The following FAM234B variants were observed in gnomAD, a reference collection of about 807,000 sequenced individuals.
FAM234B encodes protein FAM234B.
In FAM234B, 33 loss-of-function variants were observed where a neutral mutation model predicts 69.3. That is an observed-to-expected ratio of 0.48 (90% confidence interval 0.36 to 0.64). The LOEUF is 0.64. Ranked by LOEUF, FAM234B falls within the 30% of genes least tolerant of loss-of-function variation. FAM234B has a pLI of 0.00. For synonymous variants in FAM234B, 306 were observed against 306.9 expected (o/e 1.00, Z 0.03); for missense variants, 697 against 769.7 (o/e 0.91, Z 1.12).
intron 1 of FAM234B, among the ~76,000 whole-genome samples, chr12:13,045,435 C>T (rs2120431319): frequency 6.6e-6 from 1 of 152,286 alleles, no homozygotes; most frequent in East Asian, 1.9e-4. Flanking sequence ...GCTTTCATAG[C>T]TATCTCTAGA....
intron 4 of FAM234B, 70 bp from the exon 5 acceptor site, chr12:13,062,775 G>T: frequency 6.4e-7 from 1 of 1,551,898 alleles, no homozygotes; most frequent in South Asian, 1.2e-5. Flanking sequence ...TTCTGGCCTG[G>T]GAACATGGCA....
chr12:13,048,271 G>T (rs147915291), intron 1 of FAM234B, among the ~76,000 whole-genome samples: 1 of 152,158 alleles, frequency 6.6e-6, no homozygotes, highest in East Asian at 1.9e-4. Context: ...AGAAATCTTT[G>T]CCTGATTTTT....
At position 13,046,170 on chromosome 12, in the gene FAM234B, C is replaced by G. The variant is rs141332947; in HGVS notation, c.37+1730C>G. 1.3e-3 allele frequency among the ~76,000 whole-genome samples: 124 copies of G among 96,708 alleles called. 2 individuals carry two copies. The East Asian group carries it at 0.067, about 53-fold the overall frequency. The allele number at this position is 96,708 out of a possible 152,430, so 63.4% of individuals were successfully genotyped here. A position where few individuals can be genotyped will look rare whatever the true frequency, so the allele number is the denominator to read the frequency against. ...CACTTGCGTCTACGGCCATACCACC[C>G]TGAACGCGCCCGATCTCGTCTGATC... On this transcript the variant is annotated intron_variant, in intron 1 of 12. Transcript: ENST00000197268.
chr12:13,064,792 G>A (rs1865020120), intron 5 of FAM234B, among the ~76,000 whole-genome samples: 1 of 152,138 alleles, frequency 6.6e-6, no homozygotes, highest in South Asian at 2.1e-4. Flanking sequence ...CCAGGAACCT[G>A]TATAAGCTCC....
intron 3 of FAM234B, among the ~76,000 whole-genome samples, chr12:13,060,886 G>A (rs1393072536): frequency 1.3e-5 from 2 of 152,164 alleles, no homozygotes; most frequent in Non-Finnish European, 2.9e-5. Flanking sequence ...TCCCTTACCA[G>A]CTGTACTTGG....
intron 9 of FAM234B, among the ~76,000 whole-genome samples, chr12:13,070,172 G>GATATATATATATATATATATAT (rs66463903): frequency 7.2e-6 from 1 of 139,774 alleles, no homozygotes; most frequent in African/African-American, 2.6e-5. Context: ...ATTAAAAAAA[G>GATATATATATATATATATATAT]ATATATATAT....
In FAM234B at chr12:13,055,714, A is replaced by G. The variant is rs777388730; in HGVS notation, c.201A>G (p.Ala67=). ...AACCCGACTCAGATGCTGAGGTTGC[A>G]GAGGCTGCAAAGCCACATCTTTCAG... The part of the protein sequence containing the change: ...APEPDSDAEV[A]EAAKPHLSEV... The change falls in exon 2 of 13, where the codon GCA becomes GCG. Residue 67 remains alanine, a synonymous_variant. Coordinates refer to ENST00000197268, the MANE Select transcript of FAM234B (RefSeq NM_020853.2). 6.2e-7 allele frequency: 1 copy of G among 1,614,252 alleles called. No homozygotes were observed. Among genetic ancestry groups the G allele is most frequent in the Non-Finnish European group, 8.5e-7 (1 of 1,180,038 alleles).
At chr12:13,061,301 TAA>T (rs1265338592) in intron 3 of FAM234B, among the ~76,000 whole-genome samples, 14 of 152,180 alleles carry the variant, frequency 9.2e-5, no homozygotes, top group Non-Finnish European at 1.8e-4. Flanking sequence ...GGCAGACATG[TAA>T]AGAGTAGTGT....
Position 13,071,228 on chromosome 12 carries a change from T to C in FAM234B, c.1369-13T>C. 6.2e-7 allele frequency: 1 copy of C among 1,613,980 alleles called. No homozygotes were observed. Among genetic ancestry groups the C allele is most frequent in the Non-Finnish European group, 8.5e-7 (1 of 1,179,838 alleles). On this transcript the variant is annotated splice_polypyrimidine_tract_variant and intron_variant, in intron 9 of 12. Transcript: ENST00000197268. ...GGCCTGGCCATGTTTACTGTCTGTC[T>C]TCTCTTTTGTAGATGATGGTTGTGG...
Position 13,071,409 on chromosome 12 carries a change from G to A in FAM234B, c.1524+13G>A, listed in dbSNP as rs1865105573. 6.2e-7 allele frequency: 1 copy of A among 1,613,028 alleles called. No individual in the cohort carries two copies. Among genetic ancestry groups the A allele is most frequent in the Non-Finnish European group, 8.5e-7 (1 of 1,179,516 alleles). ...ATCTCCCAATTCCGTGAGTGAGCCT[G>A]GGAGGGTCCCTTTTTTACTTTGTCA... On this transcript the variant is annotated intron_variant, in intron 10 of 12. Transcript: ENST00000197268.
intron 2 of FAM234B, among the ~76,000 whole-genome samples, chr12:13,056,543 G>A (rs1864931990): frequency 6.6e-6 from 1 of 152,124 alleles, no homozygotes; most frequent in South Asian, 2.1e-4. Flanking sequence ...GAGTAGTCCT[G>A]TCTCTTGTGA....
At chr12:13,050,459 G>A (rs542752295) in intron 1 of FAM234B, among the ~76,000 whole-genome samples, 1 of 152,080 alleles carries the variant, frequency 6.6e-6, no homozygotes, top group Admixed American at 6.5e-5. Flanking sequence ...TTCCTCATTC[G>A]GTCCTACTTG....
At chr12:13,073,801 G>A (rs184958855) in intron 10 of FAM234B, among the ~76,000 whole-genome samples, 19 of 152,318 alleles carry the variant, frequency 1.2e-4, no homozygotes, top group Admixed American at 9.1e-4. Context: ...TTAATCATTG[G>A]TTCTCTTCAG....
At chr12:13,073,269 AC>A (rs1468490838) in intron 10 of FAM234B, among the ~76,000 whole-genome samples, 1 of 151,710 alleles carries the variant, frequency 6.6e-6, no homozygotes, top group African/African-American at 2.4e-5. Context: ...AGCTGGGATT[AC>A]AGGCATGAGC....
chr12:13,066,625 C>G lies in FAM234B; in HGVS notation c.853-15C>G, dbSNP rs775328636. On this transcript the variant is annotated splice_polypyrimidine_tract_variant and intron_variant, in intron 5 of 12. Coordinates refer to ENST00000197268, the MANE Select transcript of FAM234B (RefSeq NM_020853.2). ...GGGCTTCTATTGACTCCACCCCCCT[C>G]TCTTACTTCCTCAGCCAGATCTGTG... The G allele has an allele frequency of 2.6e-5, 41 of 1,605,878 alleles. No individual in the cohort carries two copies. The highest frequency in any genetic ancestry group is 3.5e-5 in the Non-Finnish European group (41 of 1,176,106).
At chr12:13,053,848 A>T (rs1250996002) in intron 1 of FAM234B, among the ~76,000 whole-genome samples, 3 of 152,102 alleles carry the variant, frequency 2.0e-5, no homozygotes, top group Non-Finnish European at 4.4e-5. Context: ...CATAAGACAG[A>T]CACTCCCAGA....
At chr12:13,057,456 CT>C (rs78692501) in intron 2 of FAM234B, among the ~76,000 whole-genome samples, 35,723 of 147,212 alleles carry the variant, frequency 0.24, 5,083 homozygotes, top group East Asian at 0.53. Context: ...TGCTTCCAGT[CT>C]TTTTTTTTTT....
At chr12:13,071,460 CTG>C in intron 10 of FAM234B, 64 bp downstream of exon 10, 1 of 1,453,080 alleles carries the variant, frequency 6.9e-7, no homozygotes, top group Non-Finnish European at 9.6e-7. Context: ...GCAGGGCTGA[CTG>C]TGTTCTGGAG....
intron 3 of FAM234B, 129 bp downstream of exon 3, chr12:13,058,678 A>G (rs1864956805): frequency 2.6e-6 from 2 of 764,414 alleles, no homozygotes; most frequent in African/African-American, 1.7e-5. Flanking sequence ...TGGTTCTGGC[A>G]TACATGAAAA....
Sources: gnomAD v4.1 joint callset for allele counts (sites outside exome capture counted in the v4.1 genomes callset) on GRCh38, gnomAD v4.1.1 for gene constraint, MANE v1.5 for transcripts, NCBI Gene and HGNC (gene_info 2026-07-23, HGNC 2026-07-21) for gene names.